The following DRICH1 variants were observed in gnomAD, a reference collection of about 807,000 sequenced individuals.
DRICH1 encodes the protein aspartate rich 1.
DRICH1 carries 38 observed loss-of-function variants against 39.5 expected under a neutral mutation model. The ratio of observed to expected loss-of-function variants is 0.96; its 90% confidence interval spans 0.74 to 1.26. DRICH1 has a LOEUF of 1.26. DRICH1 is among the 50% of genes most tolerant of loss of function. The probability of loss-of-function intolerance (pLI) is 0.00; values close to 1 mark genes in which losing one functional copy is unlikely to be tolerated. For synonymous variants in DRICH1, 84 were observed against 99.5 expected, an observed-to-expected ratio of 0.84 and a Z score of 0.93; for missense variants, 279 against 270.4, an observed-to-expected ratio of 1.03 and a Z score of -0.22.
the DRICH1 span, among the ~76,000 whole-genome samples, chr22:23,601,937 C>G: frequency 1.3e-5 from 2 of 152,018 alleles, no homozygotes; most frequent in African/African-American, 4.8e-5. Flanking sequence ...AGCAGGGGCT[C>G]ACCCCTGTAA....
chr22:23,615,996 C>T (rs930921219), intron 8 of DRICH1, among the ~76,000 whole-genome samples: 4 of 152,192 alleles, frequency 2.6e-5, no homozygotes, highest in African/African-American at 9.7e-5. Context: ...TTGTGCTTCT[C>T]CCTCCATTTC....
chr22:23,594,909 G>A, the DRICH1 span, among the ~76,000 whole-genome samples: 1 of 151,464 alleles, frequency 6.6e-6, no homozygotes, highest in African/African-American at 2.4e-5. Context: ...CTTTGAAAGA[G>A]GTGAGCAGAG....
At chr22:23,588,558 G>C in the DRICH1 span, among the ~76,000 whole-genome samples, 1 of 152,220 alleles carries the variant, frequency 6.6e-6, no homozygotes, top group Non-Finnish European at 1.5e-5. Flanking sequence ...AGAACAGAGA[G>C]AGCTTCCAGG....
At chr22:23,612,331 G>A (rs1471325719) in intron 11 of DRICH1, among the ~76,000 whole-genome samples, 1 of 151,888 alleles carries the variant, frequency 6.6e-6, no homozygotes, top group Admixed American at 6.6e-5. Context: ...GCCAGGCATG[G>A]TGGTGGACAC....
At chr22:23,599,547 T>C in the DRICH1 span, among the ~76,000 whole-genome samples, 1 of 152,172 alleles carries the variant, frequency 6.6e-6, no homozygotes, top group African/African-American at 2.4e-5. Flanking sequence ...GCACGTGGTA[T>C]GGCAGACAGG....
intron 5 of DRICH1, 36 bp downstream of exon 5, chr22:23,620,558 T>G (rs774743854): frequency 6.5e-7 from 1 of 1,529,960 alleles, no homozygotes; most frequent in South Asian, 1.1e-5. Context: ...CCAGCAAGTT[T>G]GTTTCTCAGA....
At chr22:23,630,863 G>C (rs1256701730) in intron 1 of DRICH1, 1 of 152,178 alleles carries the variant, frequency 6.6e-6, no homozygotes, top group Non-Finnish European at 1.5e-5. Context: ...CAGAAGCAGG[G>C]AAGAGAGTCC....
the DRICH1 span, among the ~76,000 whole-genome samples, chr22:23,599,444 T>C: frequency 6.6e-6 from 1 of 152,132 alleles, no homozygotes; most frequent in Non-Finnish European, 1.5e-5. Context: ...GCTCTCTCCC[T>C]TGTCCCCTGC....
intron 1 of DRICH1, among the ~76,000 whole-genome samples, chr22:23,628,071 AT>A (rs1378031570): frequency 6.6e-6 from 1 of 152,194 alleles, no homozygotes; most frequent in East Asian, 1.9e-4. Context: ...GACACTGAAG[AT>A]TCCAAACCTT....
chr22:23,607,547 G>T (rs1202162680), downstream of DRICH1, among the ~76,000 whole-genome samples: 1 of 148,854 alleles, frequency 6.7e-6, no homozygotes, highest in African/African-American at 2.5e-5. Flanking sequence ...GCGGGGGGGG[G>T]CCTCTTGCCT....
the DRICH1 span, among the ~76,000 whole-genome samples, chr22:23,599,588 T>C: frequency 6.6e-6 from 1 of 152,034 alleles, no homozygotes; most frequent in African/African-American, 2.4e-5. Flanking sequence ...TCCCTCAGGG[T>C]GCTTTTATGG....
At chr22:23,612,392 G>A (rs1005803692) in intron 11 of DRICH1, among the ~76,000 whole-genome samples, 7 of 150,680 alleles carry the variant, frequency 4.6e-5, no homozygotes, top group African/African-American at 1.2e-4. Flanking sequence ...GCGTGAACCC[G>A]GGAGGCGGAG....
chr22:23,610,233 C>T (rs1926962731), intron 11 of DRICH1: 2 of 152,458 alleles, frequency 1.3e-5, no homozygotes, highest in South Asian at 4.1e-4. Flanking sequence ...CCCTGAAACA[C>T]TTCCAGGAAA....
the DRICH1 span, among the ~76,000 whole-genome samples, chr22:23,585,056 G>A: frequency 6.6e-6 from 1 of 152,160 alleles, no homozygotes; most frequent in Non-Finnish European, 1.5e-5. Flanking sequence ...TTCCCCAACT[G>A]TTGGCTTATT....
chr22:23,623,922 A>T, intron 3 of DRICH1: 1 of 977,884 alleles, frequency 1.0e-6, no homozygotes, highest in Non-Finnish European at 1.2e-6. Flanking sequence ...AATGATGGTA[A>T]AACTGCATAT....
At chr22:23,594,833 G>A in the DRICH1 span, among the ~76,000 whole-genome samples, 22 of 151,830 alleles carry the variant, frequency 1.4e-4, no homozygotes, top group South Asian at 4.6e-3. Context: ...AGAGGGCTGT[G>A]GTTTCAGGGC....
Position 23,619,405 on chromosome 22 carries a change from T to C in DRICH1, c.407-12A>G. 4 of 780,166 alleles carry C rather than the reference T, an allele frequency of 5.1e-6. No individual in the cohort carries two copies. The highest frequency in any genetic ancestry group is 2.7e-5 in the South Asian group (2 of 74,572). 48.3% of individuals were successfully genotyped at this position (780,166 alleles called of 1,614,324 possible). Reference sequence around the variant, plus strand: ...CCGGTAACAGCCACCTGCGGAGAAATGGAAAAGTTAATCTAAGACTTTAAG... The same window carrying C: ...CCGGTAACAGCCACCTGCGGAGAAACGGAAAAGTTAATCTAAGACTTTAAG... On this transcript the variant is annotated splice_polypyrimidine_tract_variant and intron_variant, in intron 5 of 11. Coordinates refer to ENST00000317749, the MANE Select transcript of DRICH1 (RefSeq NM_016449.4).
At chr22:23,598,343 G>T in the DRICH1 span, among the ~76,000 whole-genome samples, 5,882 of 131,446 alleles carry the variant, frequency 0.045, 441 homozygotes, top group African/African-American at 0.12. Flanking sequence ...GCAATGGCTG[G>T]GGGTAGGTGA....
At chr22:23,607,538 C>T (rs9612390), downstream of DRICH1, among the ~76,000 whole-genome samples, 2 of 147,432 alleles carry the variant, frequency 1.4e-5, no homozygotes, top group Non-Finnish European at 1.5e-5. Context: ...CTGGCGGGGG[C>T]GGGGGGGGGC....
Sources: allele counts gnomAD v4.1 joint callset (sites outside exome capture counted in the v4.1 genomes callset), GRCh38; gene constraint gnomAD v4.1.1; transcripts MANE v1.5; gene names NCBI Gene and HGNC (gene_info 2026-07-23, HGNC 2026-07-21).